The following BTG4 variants were observed in gnomAD, a reference collection of about 807,000 sequenced individuals.
The protein encoded by BTG4 is protein BTG4.
Under a neutral mutation model 19.3 loss-of-function variants are expected in BTG4, and 10 were observed. The observed-to-expected ratio is 0.52, with a 90% CI of 0.32 to 0.88. The LOEUF (loss-of-function observed/expected upper bound fraction) is 0.88. BTG4 is among the 40% of genes least tolerant of loss of function. BTG4 has a pLI of 0.04. For missense variants in BTG4, 238 were observed against 281.9 expected, an observed-to-expected ratio of 0.84 and a Z score of 1.11; for synonymous variants, 91 against 95.7, an observed-to-expected ratio of 0.95 and a Z score of 0.29.
At chr11:111,492,218 G>A (rs1254333448), downstream of BTG4, among the ~76,000 whole-genome samples, 1 of 152,200 alleles carries the variant, frequency 6.6e-6, no homozygotes, top group Non-Finnish European at 1.5e-5. Flanking sequence ...TGTCACCTCT[G>A]CTGGCTGGAA....
chr11:111,482,199 T>C (rs1368489919), intron 5 of BTG4, among the ~76,000 whole-genome samples: 3 of 151,956 alleles, frequency 2.0e-5, no homozygotes, highest in African/African-American at 7.2e-5. Flanking sequence ...ATATGGATAC[T>C]GAAACTAAAA....
chr11:111,433,230 C>A, the BTG4 span, among the ~76,000 whole-genome samples: 1 of 152,190 alleles, frequency 6.6e-6, no homozygotes, highest in African/African-American at 2.4e-5. Context: ...ATTTTCTGAT[C>A]TTACAAATGA....
the BTG4 span, among the ~76,000 whole-genome samples, chr11:111,422,905 C>T: frequency 1.3e-5 from 2 of 152,164 alleles, no homozygotes; most frequent in African/African-American, 4.8e-5. Context: ...GGTGCTGTGG[C>T]AGCTTTGGTC....
intron 1 of BTG4, chr11:111,507,908 C>T (rs1045260172): frequency 6.6e-6 from 1 of 152,178 alleles, no homozygotes; most frequent in Non-Finnish European, 1.5e-5. Context: ...GAGAACTCCT[C>T]GTGACTTCAA....
the BTG4 span, among the ~76,000 whole-genome samples, chr11:111,418,464 C>A: frequency 2.6e-5 from 4 of 152,130 alleles, no homozygotes; most frequent in South Asian, 8.3e-4. Context: ...TAGTTCATGC[C>A]CCCTGCTGAG....
At chr11:111,488,358 C>A (rs948487263) in intron 5 of BTG4, among the ~76,000 whole-genome samples, 18 of 152,090 alleles carry the variant, frequency 1.2e-4, no homozygotes, top group African/African-American at 4.3e-4. Flanking sequence ...TAGGGACAGT[C>A]TCATCAATAA....
At chr11:111,419,576 C>G in the BTG4 span, among the ~76,000 whole-genome samples, 1 of 152,236 alleles carries the variant, frequency 6.6e-6, no homozygotes, top group African/African-American at 2.4e-5. Context: ...ATGGAGGCAA[C>G]TTCCAAGGAG....
At chr11:111,406,344 G>A in the BTG4 span, among the ~76,000 whole-genome samples, 7 of 152,266 alleles carry the variant, frequency 4.6e-5, no homozygotes, top group South Asian at 4.2e-4. Flanking sequence ...GCCTGGAGTC[G>A]GGGATGAGTG....
chr11:111,472,433 T>C (rs1864125602), intron 5 of BTG4, among the ~76,000 whole-genome samples: 1 of 152,216 alleles, frequency 6.6e-6, no homozygotes, highest in Admixed American at 6.5e-5. Context: ...TTGGCATGAC[T>C]CAGGAGAAGG....
the BTG4 span, chr11:111,452,291 G>A: frequency 4.1e-4 from 63 of 152,404 alleles, no homozygotes; most frequent in African/African-American, 1.4e-3. Flanking sequence ...CCAGTCCCCA[G>A]GTTTACACAG....
the BTG4 span, among the ~76,000 whole-genome samples, chr11:111,423,416 C>T: frequency 6.6e-6 from 1 of 152,336 alleles, no homozygotes; most frequent in East Asian, 1.9e-4. Context: ...AGGACAGGCC[C>T]TTAGCCCAGC....
At chr11:111,498,536 AT>A in intron 2 of BTG4, 67 bp downstream of exon 2, 3 of 1,395,312 alleles carry the variant, frequency 2.2e-6, no homozygotes, top group African/African-American at 1.5e-5. Flanking sequence ...AGATCACTCC[AT>A]TTTCCTAGGA....
chr11:111,474,535 T>C (rs1476530085), intron 5 of BTG4, among the ~76,000 whole-genome samples: 1 of 152,194 alleles, frequency 6.6e-6, no homozygotes, highest in Admixed American at 6.5e-5. Flanking sequence ...TGCTATAAAC[T>C]ATCCCACTGT....
upstream of BTG4, chr11:111,512,908 C>G (rs767892347): frequency 2.3e-6 from 1 of 433,808 alleles, no homozygotes. Flanking sequence ...GCGCTGCGGA[C>G]CGTCCGGGAG....
chr11:111,461,989 A>T, the BTG4 span: 2 of 153,072 alleles, frequency 1.3e-5, no homozygotes, highest in Admixed American at 6.5e-5. Flanking sequence ...GGGGCACCTG[A>T]GCCAGGAGCT....
At chr11:111,413,864 A>G in the BTG4 span, among the ~76,000 whole-genome samples, 3 of 152,204 alleles carry the variant, frequency 2.0e-5, no homozygotes, top group African/African-American at 7.2e-5. Context: ...TTCCGGGAAC[A>G]TGGCAAATTT....
chr11:111,389,459 T>C, the BTG4 span, among the ~76,000 whole-genome samples: 15 of 152,216 alleles, frequency 9.9e-5, no homozygotes, highest in Non-Finnish European at 4.4e-5. Context: ...ATAGTAACAC[T>C]AGAGTGAGAC....
At chr11:111,502,315 A>G (rs1591526763) in intron 1 of BTG4, among the ~76,000 whole-genome samples, 1 of 152,186 alleles carries the variant, frequency 6.6e-6, no homozygotes. Context: ...CCTGCACATC[A>G]GGATTTTTAA....
chr11:111,415,795 C>A, the BTG4 span: 1 of 152,400 alleles, frequency 6.6e-6, no homozygotes, highest in African/African-American at 2.4e-5. Context: ...AATCTCAACA[C>A]TTTGCAAGCC....
Sources: gnomAD v4.1 joint callset for allele counts (sites outside exome capture counted in the v4.1 genomes callset) on GRCh38, gnomAD v4.1.1 for gene constraint, MANE v1.5 for transcripts, NCBI Gene and HGNC (gene_info 2026-07-23, HGNC 2026-07-21) for gene names.